The following CARMIL3 variants were observed in gnomAD, a reference collection of about 807,000 sequenced individuals.
The protein encoded by CARMIL3 is capping protein regulator and myosin 1 linker 3.
A neutral mutation model predicts 180.8 loss-of-function variants in CARMIL3; 88 were observed. That is an observed-to-expected ratio of 0.49 (90% CI 0.41 to 0.58). The LOEUF is 0.58. Ranked by LOEUF, CARMIL3 falls within the 20% of genes least tolerant of loss-of-function variation. The pLI, the probability that CARMIL3 is intolerant of heterozygous loss-of-function variation, is 0.00. For missense variants in CARMIL3, 1,548 were observed against 1,787.0 expected (o/e 0.87, Z 2.41); for synonymous variants, 696 against 714.5 (o/e 0.97, Z 0.41).
In CARMIL3 at chr14:24,054,347, G is replaced by A. The variant is rs1188774618; in HGVS notation, c.246+46G>A. On this transcript the variant is annotated intron_variant, in intron 4 of 39. Coordinates refer to ENST00000342740, the MANE Select transcript of CARMIL3 (RefSeq NM_138360.4). The surrounding 1 kb of genome is among the most constrained non-coding windows in gnomAD (Gnocchi z 5.1). ...CCCCACTACTGGGCCAGCTGGAGGAGGGAGCAGAGAGGAGGGAGTCTGAGG... is the reference window on the plus strand; with the variant it reads ...CCCCACTACTGGGCCAGCTGGAGGAAGGAGCAGAGAGGAGGGAGTCTGAGG... The A allele has an allele frequency of 3.1e-6, 5 of 1,613,856 alleles. No individual in the cohort carries two copies. Among genetic ancestry groups the A allele is most frequent in the South Asian group, 1.1e-5 (1 of 91,080 alleles).
At chr14:24,057,121 A>T in intron 13 of CARMIL3, 46 bp from the exon 14 acceptor site, 1 of 1,603,152 alleles carries the variant, frequency 6.2e-7, no homozygotes, top group Non-Finnish European at 8.5e-7. Context: ...GGGTGGCGAG[A>T]CTCCATCATC....
intron 13 of CARMIL3, 56 bp from the exon 14 acceptor site, chr14:24,057,111 G>T (rs1477615843): frequency 5.0e-6 from 8 of 1,599,216 alleles, no homozygotes; most frequent in Non-Finnish European, 6.8e-6. Context: ...TGGCCTCTGG[G>T]GGTGGCGAGA....
rs1343019903 is a variant in CARMIL3 at position 24,062,885 on chromosome 14, G to A, written c.2706+39G>A. The A allele has an allele frequency of 3.2e-6, 5 of 1,577,872 alleles. No individual in the cohort carries two copies. In the African/African-American group the frequency reaches 6.7e-5, roughly 21 times the overall value. ...TCCCTGCTCCTCCTTAATAACCTGGGCCCTGCCCTTAAACCTGCACAACAC... is the reference window on the plus strand; with the variant it reads ...TCCCTGCTCCTCCTTAATAACCTGGACCCTGCCCTTAAACCTGCACAACAC... On this transcript the variant is annotated intron_variant, in intron 29 of 39. Transcript: ENST00000342740.
Position 24,058,635 on chromosome 14 carries a change from C to A in CARMIL3, c.1393-45C>A. 2 of 1,560,962 alleles carry A rather than the reference C, an allele frequency of 1.3e-6. No homozygotes were observed. Among genetic ancestry groups the A allele is most frequent in the South Asian group, 1.1e-5 (1 of 89,102 alleles). ...ATCCTAAGCATTAAAGGTGCCCTACCCCCACCCCAACCCCTGCCTTCCCTA... is the reference window on the plus strand; with the variant it reads ...ATCCTAAGCATTAAAGGTGCCCTACACCCACCCCAACCCCTGCCTTCCCTA... On this transcript the variant is annotated intron_variant, in intron 17 of 39. Coordinates refer to ENST00000342740, the MANE Select transcript of CARMIL3 (RefSeq NM_138360.4). This position sits in a 1 kb window ranked among gnomAD's most constrained non-coding sequence, Gnocchi z 6.4.
Position 24,068,855 on chromosome 14 carries a change from C to A in CARMIL3, c.3871C>A (p.Gln1291Lys), listed in dbSNP as rs756849042. The A allele has an allele frequency of 1.3e-5, 21 of 1,613,288 alleles. No homozygotes were observed. Among genetic ancestry groups the A allele is most frequent in the Non-Finnish European group, 1.8e-5 (21 of 1,179,926 alleles). Reference protein sequence around the residue: ...VAVPRGRQPPQEPGVREEAEA... With the variant: ...VAVPRGRQPPKEPGVREEAEA... ...TGTGCCCAGGGGCCGCCAGCCTCCC[C>A]AGGAGCCAGGGGTCAGGGAGGAGGC... is the stretch of plus-strand genomic sequence containing the variant. Residue 1291 changes from glutamine (Q) to lysine (K), a missense_variant, in exon 38 of 40, where the codon CAG (glutamine) becomes AAG (lysine). Gln to Lys is a moderately conservative substitution (Grantham distance 53). Around this residue, in one of 4 missense-constraint regions of CARMIL3, gnomAD observed 668 missense variants for 687.8 expected, o/e 0.97. Transcript: ENST00000342740.
chr14:24,061,664 C>T lies in CARMIL3; in HGVS notation c.2472C>T (p.Asn824=), dbSNP rs1239227341. Residue 824 remains asparagine (N), a synonymous_variant, in exon 27 of 40, where the codon AAC becomes AAT. Transcript: ENST00000342740. The surrounding 1 kb of genome is among the most constrained non-coding windows in gnomAD (Gnocchi z 4.1). ...AGCAAGCAGGACAGGACATTCAGAACAAGCTGGAGTGAGAGGCAAAGGGCA... is the reference window on the plus strand; with the variant it reads ...AGCAAGCAGGACAGGACATTCAGAATAAGCTGGAGTGAGAGGCAAAGGGCA... The part of the protein sequence containing the change: ...LLEQAGQDIQ[N]KLDEVKLSVV... The T allele has an allele frequency of 6.2e-7, 1 of 1,612,884 alleles. No individual in the cohort carries two copies. The highest frequency in any genetic ancestry group is 2.2e-5 in the East Asian group (1 of 44,840).
intron 31 of CARMIL3, 81 bp from the exon 32 acceptor site, chr14:24,064,165 C>T: frequency 1.1e-6 from 1 of 906,538 alleles, no homozygotes; most frequent in African/African-American, 1.7e-5. Context: ...TGTCCAAGCC[C>T]AAAGGGGAAT....
rs993975757 is a variant in CARMIL3, at chr14:24,061,389, C to A, written c.2305-108C>A. 1 of 1,150,158 alleles carries A rather than the reference C, an allele frequency of 8.7e-7. No homozygotes were observed. Among genetic ancestry groups the A allele is most frequent in the African/African-American group, 1.6e-5 (1 of 64,292 alleles). The allele number at this position is 1,150,158 out of a possible 1,614,324, so 71.2% of individuals were successfully genotyped here. On this transcript the variant is annotated intron_variant, in intron 26 of 39. Transcript: ENST00000342740. The surrounding 1 kb of genome is among the most constrained non-coding windows in gnomAD (Gnocchi z 4.1). Reference sequence around the variant, plus strand: ...TAACAGTTTTGTGACTTAGGCAGGTCCCTCAGTCTCAGCAGGAGGGGCTGG... The same window carrying A: ...TAACAGTTTTGTGACTTAGGCAGGTACCTCAGTCTCAGCAGGAGGGGCTGG...
At position 24,064,357 on chromosome 14, in the gene CARMIL3, T is replaced by C; in HGVS notation, c.3080+11T>C. ...GGAGGAAAGTTCTAGGTGTGATGCC[T>C]AAACACACTCCCATTTTCAGCAGGC... On this transcript the variant is annotated intron_variant, in intron 32 of 39. Coordinates refer to ENST00000342740, the MANE Select transcript of CARMIL3 (RefSeq NM_138360.4). 6.3e-7 allele frequency: 1 copy of C among 1,585,962 alleles called. No homozygotes were observed. Among genetic ancestry groups the C allele is most frequent in the Non-Finnish European group, 8.6e-7 (1 of 1,158,924 alleles).
chr14:24,052,288 C>G, intron 1 of CARMIL3, 95 bp downstream of exon 1: 1 of 1,234,650 alleles, frequency 8.1e-7, no homozygotes, highest in East Asian at 3.1e-5. Context: ...CGGTGTCTCA[C>G]ACCCCTCACC....
Position 24,059,358 on chromosome 14 carries a change from C to T in CARMIL3, c.1715C>T (p.Ala572Val). The change falls in exon 21 of 40, where the codon GCC (alanine) becomes GTC (valine). Residue 572 changes from alanine (A) to valine (V), a missense_variant. Around this residue, in one of 4 missense-constraint regions of CARMIL3, gnomAD observed 297 missense variants for 415.9 expected, o/e 0.71. Coordinates refer to ENST00000342740, the MANE Select transcript of CARMIL3 (RefSeq NM_138360.4). The surrounding 1 kb of genome is among the most constrained non-coding windows in gnomAD (Gnocchi z 6.3). Reference sequence around the variant, plus strand: ...GCCCTGGGCAGCAACACCTGCCTGGCCAAGGTGGATCTGAGCGGCAATGGC... The same window carrying T: ...GCCCTGGGCAGCAACACCTGCCTGGTCAAGGTGGATCTGAGCGGCAATGGC... Reference protein sequence around the residue: ...INALGSNTCLAKVDLSGNGME... With the variant: ...INALGSNTCLVKVDLSGNGME... The T allele has an allele frequency of 1.9e-6, 3 of 1,613,770 alleles. No homozygotes were observed. The highest frequency in any genetic ancestry group is 2.5e-6 in the Non-Finnish European group (3 of 1,179,880).
Position 24,061,719 on chromosome 14 carries a change from A to T in CARMIL3, c.2480+47A>T, listed in dbSNP as rs768366231. 1 of 1,584,696 alleles carries T rather than the reference A, an allele frequency of 6.3e-7. No homozygotes were observed. Reference sequence around the variant, plus strand: ...TGGGGCTGAGCTGGATTTGGCCCAGATCACTTAGGGACTTAGGACTGGAGA... The same window carrying T: ...TGGGGCTGAGCTGGATTTGGCCCAGTTCACTTAGGGACTTAGGACTGGAGA... On this transcript the variant is annotated intron_variant, in intron 27 of 39. Coordinates refer to ENST00000342740, the MANE Select transcript of CARMIL3 (RefSeq NM_138360.4). The surrounding 1 kb of genome is among the most constrained non-coding windows in gnomAD (Gnocchi z 4.1).
chr14:24,068,529 C>A, intron 36 of CARMIL3, 55 bp from the exon 37 acceptor site: 2 of 1,486,358 alleles, frequency 1.3e-6, no homozygotes, highest in Non-Finnish European at 1.8e-6. Context: ...GAGACAGGGA[C>A]AGGAGCTATG....
Position 24,059,236 on chromosome 14 carries a change from G to A in CARMIL3, c.1627-34G>A. ...GGGACCTGCAGTCGGAGGAGGCTGT[G>A]GGGACTGGGTCCAACCGCCCCTTGC... On this transcript the variant is annotated intron_variant, in intron 20 of 39. Transcript: ENST00000342740. The surrounding 1 kb of genome is among the most constrained non-coding windows in gnomAD (Gnocchi z 6.3). 1.2e-6 allele frequency: 2 copies of A among 1,613,770 alleles called. No homozygotes were observed. Among genetic ancestry groups the A allele is most frequent in the Non-Finnish European group, 1.7e-6 (2 of 1,179,944 alleles).
chr14:24,064,876 G>C, intron 32 of CARMIL3, 82 bp from the exon 33 acceptor site: 1 of 1,422,278 alleles, frequency 7.0e-7, no homozygotes, highest in Non-Finnish European at 9.7e-7. Context: ...GGGGAGACCA[G>C]ATGAGAGGAA....
chr14:24,059,477 C>T lies in CARMIL3; in HGVS notation c.1799+35C>T, dbSNP rs1289680402. On this transcript the variant is annotated intron_variant, in intron 21 of 39. Transcript: ENST00000342740. The surrounding 1 kb of genome is among the most constrained non-coding windows in gnomAD (Gnocchi z 6.3). ...ACACCGGGACCCCCTGACCTGGAGC[C>T]CCAGCCCCTCCCCATATGTACATAA... 2 of 1,549,382 alleles carry T rather than the reference C, an allele frequency of 1.3e-6. No individual in the cohort carries two copies. Among genetic ancestry groups the T allele is most frequent in the Non-Finnish European group, 8.7e-7 (1 of 1,145,376 alleles).
At position 24,068,613 on chromosome 14, in the gene CARMIL3, C is replaced by T; in HGVS notation, c.3712C>T (p.Gln1238Ter). 2 of 1,613,726 alleles carry T rather than the reference C, an allele frequency of 1.2e-6. No homozygotes were observed. Among genetic ancestry groups the T allele is most frequent in the Non-Finnish European group, 1.7e-6 (2 of 1,179,844 alleles). Residue 1238 changes from glutamine to a stop codon, truncating the protein, a stop_gained, in exon 37 of 40, where the codon CAG becomes TAG. Coordinates refer to ENST00000342740, the MANE Select transcript of CARMIL3 (RefSeq NM_138360.4). LOFTEE classifies it high-confidence loss of function. ...AEESAPNHSC[Q>*]SPSPASQDGE... ...AGAGAGTGCCCCCAACCACAGCTGC[C>T]AGAGTCCCAGCCCAGCCTCCCAAGA... is the stretch of plus-strand genomic sequence containing the variant.
Position 24,057,812 on chromosome 14 carries a change from G to C in CARMIL3, c.1150G>C (p.Ala384Pro). The change falls in exon 15 of 40, where the codon GCC becomes CCC. Residue 384 changes from alanine (A) to proline (P), a missense_variant. By Grantham distance (27) the Ala-to-Pro change is conservative. Transcript: ENST00000342740. ...ATATCTCCCCCCACAGCTTCTCGGT[G>C]CCCTGCTCCACGGCTGCTGCTCCCA... ...TDCVIDLLLG[A>P]LLHGCCSHLT... 6.2e-7 allele frequency: 1 copy of C among 1,609,440 alleles called. No homozygotes were observed. Among genetic ancestry groups the C allele is most frequent in the Non-Finnish European group, 8.5e-7 (1 of 1,179,560 alleles).
At position 24,058,920 on chromosome 14, in the gene CARMIL3, C is replaced by A; in HGVS notation, c.1505C>A (p.Pro502His). Reference protein sequence around the residue: ...GFDSDLLTLVPALGKNKSLKH... With the variant: ...GFDSDLLTLVHALGKNKSLKH... ...GACTCGGACCTCCTGACACTGGTGC[C>A]TGCACTTGGCAAGAACAAGTCCCTC... Residue 502 changes from proline (P) to histidine (H), a missense_variant, in exon 19 of 40, where the codon CCT (proline) becomes CAT (histidine). This residue lies in a region of CARMIL3 where 578 missense variants were observed against 666.5 expected (regional missense o/e 0.87). Coordinates refer to ENST00000342740, the MANE Select transcript of CARMIL3 (RefSeq NM_138360.4). The surrounding 1 kb of genome is among the most constrained non-coding windows in gnomAD (Gnocchi z 6.4). 1 of 1,614,258 alleles carries A rather than the reference C, an allele frequency of 6.2e-7. No individual in the cohort carries two copies.
Sources: allele counts gnomAD v4.1 joint callset, GRCh38; gene constraint gnomAD v4.1.1; regional missense constraint gnomAD v4.1.1; non-coding constraint Gnocchi (gnomAD v3.1); transcripts MANE v1.5; gene names NCBI Gene and HGNC (gene_info 2026-07-23, HGNC 2026-07-21).